The following HOMEZ variants were observed in gnomAD, a reference collection of about 807,000 sequenced individuals.
The protein encoded by HOMEZ is homeobox and leucine zipper protein Homez.
Under a neutral mutation model 50.1 loss-of-function variants are expected in HOMEZ, and 20 were observed. The ratio of observed to expected loss-of-function variants is 0.40; its 90% confidence interval spans 0.28 to 0.58. The LOEUF is 0.58. Ranked by LOEUF, HOMEZ falls within the 20% of genes least tolerant of loss-of-function variation. The probability of loss-of-function intolerance (pLI) is 0.46; values close to 1 mark genes in which losing one functional copy is unlikely to be tolerated. For missense variants in HOMEZ, 579 were observed against 680.5 expected (o/e 0.85, Z 1.66); for synonymous variants, 239 against 254.7 (o/e 0.94, Z 0.59).
intron 1 of HOMEZ, among the ~76,000 whole-genome samples, chr14:23,280,725 A>ATTT (rs1268590273): frequency 1.0e-4 from 7 of 68,748 alleles, no homozygotes; most frequent in African/African-American, 2.2e-4. Context: ...ATTTTATTTT[A>ATTT]TTTTATTTTA....
intron 1 of HOMEZ, among the ~76,000 whole-genome samples, chr14:23,278,967 C>T (rs960081043): frequency 1.7e-4 from 26 of 151,082 alleles, no homozygotes; most frequent in South Asian, 4.2e-4. Flanking sequence ...TGAGCCACGG[C>T]GCCTGGCCAG....
rs761009807 is a variant in HOMEZ, at chr14:23,275,562, C to T, written c.*13G>A. 6.5e-7 allele frequency: 1 copy of T among 1,535,726 alleles called. No homozygotes were observed. Among genetic ancestry groups the T allele is most frequent in the Admixed American group, 2.0e-5 (1 of 49,660 alleles). On this transcript the variant is annotated 3_prime_UTR_variant, in exon 2 of 2. Transcript: ENST00000357460. ...TCTTTCAGTAACAGACCTCCCCTCC[C>T]CCAGCTCCCCACTCAGTCTTGTATG...
In HOMEZ at chr14:23,272,702, T is replaced by C. The variant is rs375635832; in HGVS notation, c.*2873A>G. 4 of 705,138 alleles carry C rather than the reference T, an allele frequency of 5.7e-6. No homozygotes were observed. The East Asian group carries it at 8.2e-5, about 14-fold the overall frequency. 43.7% of individuals were successfully genotyped at this position (705,138 alleles called of 1,614,324 possible). On this transcript the variant is annotated 3_prime_UTR_variant, in exon 2 of 2. Coordinates refer to ENST00000357460, the MANE Select transcript of HOMEZ (RefSeq NM_020834.3). ...TTAGTTATCATGCAATGAAGAAAAC[T>C]ATGGGGAAGCAAAAGCAGTGGTGTC...
At chr14:23,280,740 ATTATTTTATTTTATTTTATTTTATT>A (rs1277086572) in intron 1 of HOMEZ, among the ~76,000 whole-genome samples, 2 of 41,264 alleles carry the variant, frequency 4.8e-5, no homozygotes, top group Admixed American at 3.6e-4. Flanking sequence ...ATTTTATTTT[ATTATTTTATTTTATTTTATTTTATT>A]TTATTTTATT....
chr14:23,272,761 G>T lies in HOMEZ; in HGVS notation c.*2814C>A, dbSNP rs751574221. On this transcript the variant is annotated 3_prime_UTR_variant, in exon 2 of 2. Transcript: ENST00000357460. ...TAAGCTTCATACAACAGGTCAGAGA[G>T]ACTTGCTTGCCCTTTTTGCTGTTAT... The T allele has an allele frequency of 1.4e-4, 142 of 1,021,458 alleles. No homozygotes were observed. Among genetic ancestry groups the T allele is most frequent in the Non-Finnish European group, 1.9e-4 (128 of 666,176 alleles). 63.3% of individuals were successfully genotyped at this position (1,021,458 alleles called of 1,614,324 possible).
rs371370547 is a variant in HOMEZ at position 23,275,864 on chromosome 14, G to C, written c.1364C>G (p.Pro455Arg). The change falls in exon 2 of 2, where the codon CCG (proline) becomes CGG (arginine). Residue 455 changes from proline to arginine, a missense_variant. Physicochemically the swap from Pro to Arg is moderately radical, Grantham distance 103. Coordinates refer to ENST00000357460, the MANE Select transcript of HOMEZ (RefSeq NM_020834.3). ...LNERAETPPL[P>R]IPPPPPDIQP... The stretch of plus-strand genomic sequence containing the variant: ...TATATCCGGTGGGGGTGGAGGGATC[G>C]GCAGAGGTGGTGTCTCAGCCCTTTC... 1.9e-6 allele frequency: 3 copies of C among 1,597,382 alleles called. No homozygotes were observed. The highest frequency in any genetic ancestry group is 2.6e-6 in the Non-Finnish European group (3 of 1,170,902).
chr14:23,275,424 T>A lies in HOMEZ; in HGVS notation c.*151A>T, dbSNP rs1886320918. ...TATGGTCATTCTCCCTGGTCCACCCTCACTATATCCCCCTGCCACCCACCC... is the reference window on the plus strand; with the variant it reads ...TATGGTCATTCTCCCTGGTCCACCCACACTATATCCCCCTGCCACCCACCC... On this transcript the variant is annotated 3_prime_UTR_variant, in exon 2 of 2. Transcript: ENST00000357460. The A allele has an allele frequency of 1.0e-6, 1 of 957,892 alleles. No individual in the cohort carries two copies. Among genetic ancestry groups the A allele is most frequent in the Non-Finnish European group, 1.5e-6 (1 of 657,360 alleles). The allele number at this position is 957,892 out of a possible 1,614,324, so 59.3% of individuals were successfully genotyped here.
chr14:23,285,224 A>T (rs1306597487), intron 1 of HOMEZ: 1 of 152,004 alleles, frequency 6.6e-6, no homozygotes, highest in African/African-American at 2.4e-5. Flanking sequence ...AAGGGCTTCA[A>T]GTGTATGATG....
rs1295606666 is a variant in HOMEZ, at chr14:23,280,763, A to ATT, written c.41-3578_41-3577dup. Among the ~76,000 whole-genome samples the ATT allele has an allele frequency of 5.8e-5, 5 of 86,056 alleles. No homozygotes were observed. In the South Asian group the frequency reaches 1.9e-3, roughly 32 times the overall value. 56.5% of individuals were successfully genotyped at this position (86,056 alleles called of 152,430 possible). A position where few individuals can be genotyped will look rare whatever the true frequency, so the allele number is the denominator to read the frequency against. ...TTATTATTTTATTTTATTTTATTTT[A>ATT]TTTTATTTTATTTTATTTTATTTTA... On this transcript the variant is annotated intron_variant, in intron 1 of 1. Coordinates refer to ENST00000357460, the MANE Select transcript of HOMEZ (RefSeq NM_020834.3).
At chr14:23,280,505 G>A (rs1886465835) in intron 1 of HOMEZ, among the ~76,000 whole-genome samples, 2 of 151,922 alleles carry the variant, frequency 1.3e-5, no homozygotes, top group South Asian at 4.2e-4. Flanking sequence ...CTGCTCCCAG[G>A]ATTATGGGTA....
intron 1 of HOMEZ, 91 bp downstream of exon 1, chr14:23,285,822 T>C (rs544681717): frequency 2.8e-6 from 2 of 723,776 alleles, no homozygotes; most frequent in Admixed American, 4.3e-5. Flanking sequence ...AACCTAGAAT[T>C]ATCCCCCCAC....
In HOMEZ at chr14:23,276,091, C is replaced by T. The variant is rs1422439221; in HGVS notation, c.1137G>A (p.Gln379=). The change falls in exon 2 of 2, where the codon CAG becomes CAA. Residue 379 remains glutamine (Q), a synonymous_variant. Transcript: ENST00000357460. The surrounding 1 kb of genome is among the most constrained non-coding windows in gnomAD (Gnocchi z 4.1). Reference sequence around the variant, plus strand: ...TTTGGTAATCCTCACGCCGTGCCCACTGGCACTGTAAAAAAAAGGATTTAA... The same window carrying T: ...TTTGGTAATCCTCACGCCGTGCCCATTGGCACTGTAAAAAAAAGGATTTAA... ...AILKSFFLQC[Q]WARREDYQKL... 1 of 1,614,062 alleles carries T rather than the reference C, an allele frequency of 6.2e-7. No homozygotes were observed. Among genetic ancestry groups the T allele is most frequent in the Non-Finnish European group, 8.5e-7 (1 of 1,179,902 alleles).
chr14:23,282,385 C>T (rs919575075), intron 1 of HOMEZ, among the ~76,000 whole-genome samples: 2 of 151,976 alleles, frequency 1.3e-5, no homozygotes, highest in African/African-American at 2.4e-5. Flanking sequence ...CCTTTGTGAT[C>T]GGTGTGTCAG....
rs766879279 is a variant in HOMEZ, at chr14:23,276,898, A to G, written c.330T>C (p.Cys110=). The G allele has an allele frequency of 1.9e-6, 3 of 1,614,006 alleles. No individual in the cohort carries two copies. Among genetic ancestry groups the G allele is most frequent in the East Asian group, 2.2e-5 (1 of 44,890 alleles). ...KTWFMAQRLR[C]GISWSSEEIE... is the part of the protein sequence containing the mutation. ...TTTCTTCAGATGACCAGCTAATACC[A>G]CAGCGGAGGCGCTGGGCCATAAACC... Residue 110 remains cysteine, a synonymous_variant, in exon 2 of 2, where the codon TGT becomes TGC. Coordinates refer to ENST00000357460, the MANE Select transcript of HOMEZ (RefSeq NM_020834.3). The surrounding 1 kb of genome is among the most constrained non-coding windows in gnomAD (Gnocchi z 4.1).
chr14:23,285,204 T>G (rs1226881174), intron 1 of HOMEZ: 2 of 151,516 alleles, frequency 1.3e-5, no homozygotes, highest in Non-Finnish European at 2.9e-5. Context: ...AACCGAATCA[T>G]GTAATATAAA....
At chr14:23,280,717 T>TTTA (rs1555323573) in intron 1 of HOMEZ, among the ~76,000 whole-genome samples, 24 of 64,896 alleles carry the variant, frequency 3.7e-4, no homozygotes, top group African/African-American at 1.2e-3. Context: ...TTATTTTTAT[T>TTTA]TTATTTTATT....
Position 23,276,258 on chromosome 14 carries a change from G to T in HOMEZ, c.970C>A (p.Pro324Thr). 1.2e-6 allele frequency: 2 copies of T among 1,613,988 alleles called. No individual in the cohort carries two copies. Among genetic ancestry groups the T allele is most frequent in the Non-Finnish European group, 1.7e-6 (2 of 1,179,898 alleles). The change falls in exon 2 of 2, where the codon CCC becomes ACC. Residue 324 changes from proline to threonine, a missense_variant. Pro to Thr is a conservative substitution (Grantham distance 38). Transcript: ENST00000357460. This position sits in a 1 kb window ranked among gnomAD's most constrained non-coding sequence, Gnocchi z 4.1. ...GGCCAGGCTGGTTCCAGATGTGGGG[G>T]TAATGCCTGTTCACTGGGTGACACT... is the stretch of plus-strand genomic sequence containing the variant. ...QSVSPSEQALPPHLEPAWPQG... is the reference protein window; with the variant it reads ...QSVSPSEQALTPHLEPAWPQG...
rs183458918 is a variant in HOMEZ at position 23,279,137 on chromosome 14, T to C, written c.41-1950A>G. ...TAGCTGGAATTACAAGCGTGCACCATGATGCCCAGCTAATTTTTGTACTTT... is the reference window on the plus strand; with the variant it reads ...TAGCTGGAATTACAAGCGTGCACCACGATGCCCAGCTAATTTTTGTACTTT... On this transcript the variant is annotated intron_variant, in intron 1 of 1. Coordinates refer to ENST00000357460, the MANE Select transcript of HOMEZ (RefSeq NM_020834.3). Among the ~76,000 whole-genome samples the C allele has an allele frequency of 4.0e-3, 612 of 152,290 alleles. 7 individuals carry two copies. The highest frequency in any genetic ancestry group is 0.014 in the African/African-American group (571 of 41,562).
intron 1 of HOMEZ, among the ~76,000 whole-genome samples, chr14:23,280,684 A>ATTT (rs1189132205): frequency 1.9e-4 from 25 of 130,182 alleles, no homozygotes; most frequent in African/African-American, 6.5e-4. Context: ...CATCTGTTAT[A>ATTT]TTTTATTTTT....
Sources: gnomAD v4.1 joint callset for allele counts (sites outside exome capture counted in the v4.1 genomes callset) on GRCh38, gnomAD v4.1.1 for gene constraint, Gnocchi (gnomAD v3.1) non-coding constraint, MANE v1.5 for transcripts, NCBI Gene and HGNC (gene_info 2026-07-23, HGNC 2026-07-21) for gene names.